Variants in CREB5 observed in about 807,000 individuals in gnomAD.
CREB5 encodes cAMP responsive element binding protein 5.
CREB5 carries 19 observed loss-of-function variants against 57.1 expected under a neutral mutation model. That is an observed-to-expected ratio of 0.33 (90% CI 0.23 to 0.49). CREB5 has a LOEUF of 0.49. Among genes scored for constraint, CREB5 ranks in the 20% least tolerant of loss-of-function variants. The pLI is 0.99. For synonymous variants in CREB5, 238 were observed against 238.3 expected (o/e 1.00, Z 0.01); for missense variants, 579 against 671.6 (o/e 0.86, Z 1.52).
At chr7:28,544,331 G>A (rs1042829028) in intron 4 of CREB5, among the ~76,000 whole-genome samples, 1 of 152,134 alleles carries the variant, frequency 6.6e-6, no homozygotes, top group Non-Finnish European at 1.5e-5. Flanking sequence ...GCTACGTGAG[G>A]CTGTCAATGA....
intron 5 of CREB5, among the ~76,000 whole-genome samples, chr7:28,668,446 G>T (rs1022138943): frequency 1.6e-4 from 24 of 152,076 alleles, no homozygotes; most frequent in Non-Finnish European, 2.6e-4. Context: ...TAACTATACA[G>T]AATCCTATTT....
chr7:28,803,508 C>T (rs1005535446), intron 7 of CREB5, among the ~76,000 whole-genome samples: 2 of 152,132 alleles, frequency 1.3e-5, no homozygotes, highest in Non-Finnish European at 2.9e-5. Flanking sequence ...CCTGTAATCC[C>T]AGCACTTTAG....
chr7:28,418,145 C>A (rs1283805274), intron 1 of CREB5, among the ~76,000 whole-genome samples: 2 of 152,122 alleles, frequency 1.3e-5, no homozygotes, highest in African/African-American at 4.8e-5. Flanking sequence ...TCCTTCCAAG[C>A]TTTTAACAAA....
chr7:28,658,077 C>T (rs1361494901), intron 5 of CREB5, among the ~76,000 whole-genome samples: 1 of 152,134 alleles, frequency 6.6e-6, no homozygotes, highest in Non-Finnish European at 1.5e-5. Flanking sequence ...TATTCCACAC[C>T]TTTGTCCTCC....
chr7:28,299,999 T>C (rs1205863412), intron 1 of CREB5, among the ~76,000 whole-genome samples: 16 of 152,342 alleles, frequency 1.1e-4, no homozygotes. Flanking sequence ...TTGTGTAATG[T>C]GTTGCCCTTT....
At chr7:28,647,802 C>G (rs1033789169) in intron 5 of CREB5, among the ~76,000 whole-genome samples, 3 of 152,060 alleles carry the variant, frequency 2.0e-5, no homozygotes, top group African/African-American at 7.2e-5. Flanking sequence ...CAATTTGGGC[C>G]AGGCATAGTG....
intron 5 of CREB5, among the ~76,000 whole-genome samples, chr7:28,600,516 G>C (rs1370008070): frequency 6.6e-6 from 1 of 152,148 alleles, no homozygotes; most frequent in Non-Finnish European, 1.5e-5. Flanking sequence ...GAAAACTGAG[G>C]ATGGTAGGGA....
At chr7:28,312,160 T>C (rs149267834) in intron 1 of CREB5, among the ~76,000 whole-genome samples, 19 of 151,388 alleles carry the variant, frequency 1.3e-4, no homozygotes, top group African/African-American at 4.6e-4. Context: ...TTTCATTTCA[T>C]TTTAGTGAAA....
At chr7:28,466,210 T>TAAA (rs5883134) in intron 1 of CREB5, among the ~76,000 whole-genome samples, 15 of 94,738 alleles carry the variant, frequency 1.6e-4, no homozygotes, top group Middle Eastern at 6.1e-3. Flanking sequence ...TGACTGGAGT[T>TAAA]AAAAAAAAAA....
intron 5 of CREB5, among the ~76,000 whole-genome samples, chr7:28,666,500 C>T (rs893118953): frequency 7.9e-5 from 12 of 152,180 alleles, no homozygotes; most frequent in African/African-American, 2.6e-4. Flanking sequence ...TATGCAGGTG[C>T]GGCTTTTTTG....
intron 6 of CREB5, among the ~76,000 whole-genome samples, chr7:28,722,015 G>C (rs955363368): frequency 1.3e-5 from 2 of 152,188 alleles, no homozygotes; most frequent in Non-Finnish European, 2.9e-5. Flanking sequence ...TTGAAGTCAA[G>C]CTCCTGGTGC....
intron 5 of CREB5, among the ~76,000 whole-genome samples, chr7:28,637,111 G>C (rs1209154886): frequency 6.6e-6 from 1 of 152,028 alleles, no homozygotes; most frequent in African/African-American, 2.4e-5. Flanking sequence ...CCATGATCGT[G>C]CCACTGTACT....
At position 28,570,499 on chromosome 7, in the gene CREB5, T is replaced by C. The variant is rs371699221; in HGVS notation, c.426T>C (p.Ser142=). Residue 142 remains serine (S), a synonymous_variant, in exon 5 of 11, where the codon TCT becomes TCC. Transcript: ENST00000357727. ...QQAMPSPQSS[S]VITQAPSTNR... Reference sequence around the variant, plus strand: ...CCATGCCGTCGCCTCAGTCCAGCTCTGTCATCACTCAGGCACCTTCCACCA... The same window carrying C: ...CCATGCCGTCGCCTCAGTCCAGCTCCGTCATCACTCAGGCACCTTCCACCA... 5.6e-6 allele frequency: 9 copies of C among 1,613,966 alleles called. No individual in the cohort carries two copies. In the African/African-American group the frequency reaches 9.3e-5, roughly 17 times the overall value.
At chr7:28,813,593 C>T (rs1322566636) in intron 9 of CREB5, among the ~76,000 whole-genome samples, 1 of 152,098 alleles carries the variant, frequency 6.6e-6, no homozygotes, top group South Asian at 2.1e-4. Flanking sequence ...TATTGTAGAG[C>T]CCATTTTGAT....
intron 9 of CREB5, 24 bp from the exon 10 acceptor site, chr7:28,818,047 G>A (rs760647402): frequency 1.9e-6 from 3 of 1,587,242 alleles, no homozygotes; most frequent in Non-Finnish European, 1.7e-6. Flanking sequence ...TTCTCAACAT[G>A]GTTTTAATAC....
chr7:28,662,623 C>T (rs1462887491), intron 5 of CREB5, among the ~76,000 whole-genome samples: 2 of 152,290 alleles, frequency 1.3e-5, no homozygotes, highest in Non-Finnish European at 2.9e-5. Flanking sequence ...ACTCAACCCC[C>T]AATTCCAGCT....
intron 5 of CREB5, among the ~76,000 whole-genome samples, chr7:28,572,452 C>A (rs924258156): frequency 8.5e-5 from 13 of 152,344 alleles, no homozygotes; most frequent in Non-Finnish European, 1.6e-4. Context: ...CCAGGGACTT[C>A]TCTCAAGTGG....
chr7:28,650,133 AAC>A (rs1416141039), intron 5 of CREB5, among the ~76,000 whole-genome samples: 1 of 152,218 alleles, frequency 6.6e-6, no homozygotes, highest in African/African-American at 2.4e-5. Context: ...TCATACTGAA[AAC>A]ACATAATCTA....
chr7:28,384,814 G>A (rs2127996610), intron 1 of CREB5, among the ~76,000 whole-genome samples: 1 of 152,306 alleles, frequency 6.6e-6, no homozygotes, highest in South Asian at 2.1e-4. Flanking sequence ...ATATTAATCT[G>A]AGTTCCTGTG....
Sources: gnomAD v4.1 joint callset for allele counts (sites outside exome capture counted in the v4.1 genomes callset) on GRCh38, gnomAD v4.1.1 for gene constraint, MANE v1.5 for transcripts, NCBI Gene and HGNC (gene_info 2026-07-23, HGNC 2026-07-21) for gene names.